Variants in WWOX observed in about 807,000 individuals in gnomAD.
The protein encoded by WWOX is WW domain-containing oxidoreductase.
WWOX carries 69 observed loss-of-function variants against 46.2 expected under a neutral mutation model. The observed-to-expected ratio is 1.49, with a 90% CI of 1.23 to 1.82. The LOEUF is 1.82. Ranked by LOEUF, WWOX falls within the 40% of genes most tolerant of loss-of-function variation. The pLI is 0.00. For synonymous variants in WWOX, 359 were observed against 202.6 expected (o/e 1.77, Z -6.56); for missense variants, 919 against 542.6 (o/e 1.69, Z -6.89).
intron 8 of WWOX, among the ~76,000 whole-genome samples, chr16:78,550,479 C>G (rs1288779397): frequency 6.6e-6 from 1 of 152,210 alleles, no homozygotes. Context: ...TTGTAGTTTG[C>G]TGGCCTCTGG....
chr16:78,741,009 T>C (rs1205717929), intron 8 of WWOX, among the ~76,000 whole-genome samples: 1 of 152,136 alleles, frequency 6.6e-6, no homozygotes, highest in Non-Finnish European at 1.5e-5. Context: ...CTAAGTGGGA[T>C]ACACCACGAT....
intron 8 of WWOX, chr16:78,897,004 G>C (rs567806224): frequency 6.6e-6 from 1 of 151,216 alleles, no homozygotes; most frequent in South Asian, 2.1e-4. Flanking sequence ...GAGGAGGGTG[G>C]ACCACTTGAG....
rs79939445 is a variant in WWOX, at chr16:78,622,819, T to A, written c.1056+190067T>A. The stretch of plus-strand genomic sequence containing the variant: ...GTCTTACATGAGACAGATTTTGAGT[T>A]AATGAGCAGGGGGATCCTCCTGGGT... On this transcript the variant is annotated intron_variant, in intron 8 of 8. Transcript: ENST00000566780. 2.3e-3 allele frequency among the ~76,000 whole-genome samples: 352 copies of A among 152,266 alleles called. 2 individuals are homozygous for A. The highest frequency in any genetic ancestry group is 7.8e-3 in the African/African-American group (324 of 41,552).
intron 8 of WWOX, chr16:78,896,104 A>T (rs1427352614): frequency 6.6e-6 from 1 of 152,194 alleles, no homozygotes; most frequent in Admixed American, 6.5e-5. Flanking sequence ...ATTGATCTTT[A>T]AAAATAAGAT....
chr16:78,755,677 C>T (rs899320320), intron 8 of WWOX, among the ~76,000 whole-genome samples: 2 of 152,156 alleles, frequency 1.3e-5, no homozygotes, highest in Non-Finnish European at 2.9e-5. Context: ...GCCTCAGGAC[C>T]CTGCACCAGG....
chr16:78,212,936 T>C lies in WWOX; in HGVS notation c.516+48647T>C, dbSNP rs184009058. 2.5e-3 allele frequency among the ~76,000 whole-genome samples: 384 copies of C among 152,098 alleles called. 1 individual carries two copies. The highest frequency in any genetic ancestry group is 8.9e-3 in the African/African-American group (370 of 41,504). On this transcript the variant is annotated intron_variant, in intron 5 of 8. Transcript: ENST00000566780. Reference sequence around the variant, plus strand: ...CCCATTCGTGATATCTGACCACAGATGGGAGGTAAGGGGCTGTGCTTTAAA... The same window carrying C: ...CCCATTCGTGATATCTGACCACAGACGGGAGGTAAGGGGCTGTGCTTTAAA...
At chr16:78,408,194 G>C (rs541865284) in intron 6 of WWOX, among the ~76,000 whole-genome samples, 10 of 152,228 alleles carry the variant, frequency 6.6e-5, no homozygotes, top group East Asian at 3.9e-4. Flanking sequence ...TTCTTACTTG[G>C]TGCACTCTTC....
chr16:78,741,418 G>C (rs574151119), intron 8 of WWOX, among the ~76,000 whole-genome samples: 2 of 152,190 alleles, frequency 1.3e-5, no homozygotes, highest in African/African-American at 4.8e-5. Context: ...AAAAATAGCT[G>C]GCGTGGTGGC....
intron 8 of WWOX, among the ~76,000 whole-genome samples, chr16:78,823,718 T>G (rs1265432433): frequency 3.3e-5 from 5 of 152,170 alleles, no homozygotes; most frequent in Non-Finnish European, 2.9e-5. Flanking sequence ...TATGCATGTC[T>G]TAACTTTGCT....
At chr16:78,451,478 G>T (rs1694441120) in intron 8 of WWOX, among the ~76,000 whole-genome samples, 1 of 152,144 alleles carries the variant, frequency 6.6e-6, no homozygotes, top group African/African-American at 2.4e-5. Context: ...TAGCAGAAGG[G>T]GCTGTAAGAA....
In WWOX at chr16:78,164,308, T is replaced by C. The variant is rs2034899735; in HGVS notation, c.516+19T>C. ...AGAATGGGTAAGTGCTTGACTGTTG[T>C]TGTTTTTTTTAATTGTCAAATACAC... On this transcript the variant is annotated intron_variant, in intron 5 of 8. Coordinates refer to ENST00000566780, the MANE Select transcript of WWOX (RefSeq NM_016373.4). 6.2e-7 allele frequency: 1 copy of C among 1,609,312 alleles called. No individual in the cohort carries two copies. Among genetic ancestry groups the C allele is most frequent in the African/African-American group, 1.3e-5 (1 of 74,834 alleles).
chr16:78,674,880 A>G (rs1037834656), intron 8 of WWOX, among the ~76,000 whole-genome samples: 6 of 151,960 alleles, frequency 3.9e-5, no homozygotes, highest in East Asian at 1.9e-4. Flanking sequence ...TCAGTATACA[A>G]TGTGGTCTTT....
intron 8 of WWOX, among the ~76,000 whole-genome samples, chr16:78,693,410 C>T (rs560063767): frequency 1.9e-4 from 29 of 152,288 alleles, no homozygotes; most frequent in African/African-American, 7.0e-4. Context: ...AATATGCTGC[C>T]TGCTCTGTCA....
intron 8 of WWOX, among the ~76,000 whole-genome samples, chr16:78,560,560 C>G (rs1489550655): frequency 6.6e-6 from 1 of 152,114 alleles, no homozygotes; most frequent in East Asian, 1.9e-4. Context: ...AGGAGAATCC[C>G]TTGAACCTGG....
chr16:78,151,676 T>C (rs1246161372), intron 4 of WWOX, among the ~76,000 whole-genome samples: 1 of 152,208 alleles, frequency 6.6e-6, no homozygotes, highest in African/African-American at 2.4e-5. Flanking sequence ...CCATGAATTA[T>C]CAATTAGATA....
intron 8 of WWOX, chr16:78,691,322 A>G (rs1307361311): frequency 1.0e-5 from 7 of 700,274 alleles, no homozygotes; most frequent in East Asian, 8.0e-5. Context: ...AAGATTTACA[A>G]TTATTTCATT....
chr16:78,721,844 T>C (rs1053742619), intron 8 of WWOX, among the ~76,000 whole-genome samples: 1 of 152,202 alleles, frequency 6.6e-6, no homozygotes, highest in Admixed American at 6.5e-5. Flanking sequence ...TTTGTCCATA[T>C]GAAGAGGTTG....
At chr16:78,401,192 G>C (rs1353884465) in intron 6 of WWOX, among the ~76,000 whole-genome samples, 28 of 152,054 alleles carry the variant, frequency 1.8e-4, no homozygotes, top group Admixed American at 1.8e-3. Flanking sequence ...CAGAAATAAA[G>C]ATTTCAAATA....
At chr16:78,139,027 C>T (rs2033895305) in intron 4 of WWOX, among the ~76,000 whole-genome samples, 1 of 152,036 alleles carries the variant, frequency 6.6e-6, no homozygotes, top group Admixed American at 6.6e-5. Flanking sequence ...TACACAGTCC[C>T]ACCAATCAGA....
Sources: allele counts gnomAD v4.1 joint callset (sites outside exome capture counted in the v4.1 genomes callset), GRCh38; gene constraint gnomAD v4.1.1; transcripts MANE v1.5; gene names NCBI Gene and HGNC (gene_info 2026-07-23, HGNC 2026-07-21).